VPS13D: variants seen among roughly 807,000 people sequenced by gnomAD.
The protein encoded by VPS13D is intermembrane lipid transfer protein VPS13D.
A neutral mutation model predicts 461.9 loss-of-function variants in VPS13D; 187 were observed. The observed-to-expected ratio is 0.40, with a 90% CI of 0.36 to 0.46. VPS13D has a LOEUF of 0.46. VPS13D is among the 20% of genes least tolerant of loss of function. The pLI is 0.60. For missense variants in VPS13D, 4,711 were observed against 5,364.9 expected, an observed-to-expected ratio of 0.88 and a Z score of 3.81; for synonymous variants, 1,951 against 1,986.3, an observed-to-expected ratio of 0.98 and a Z score of 0.47.
At chr1:12,442,022 A>T (rs1645137873) in intron 65 of VPS13D, among the ~76,000 whole-genome samples, 1 of 152,156 alleles carries the variant, frequency 6.6e-6, no homozygotes, top group African/African-American at 2.4e-5. Context: ...CTCATAAAAC[A>T]TGATTTTTTT....
At chr1:12,431,846 A>G (rs1644996100) in intron 65 of VPS13D, among the ~76,000 whole-genome samples, 1 of 152,100 alleles carries the variant, frequency 6.6e-6, no homozygotes, top group African/African-American at 2.4e-5. Context: ...AAACTTTTGC[A>G]TCTCTCCTGA....
chr1:12,448,608 G>A (rs1380373564), intron 65 of VPS13D, among the ~76,000 whole-genome samples: 1 of 152,140 alleles, frequency 6.6e-6, no homozygotes, highest in Non-Finnish European at 1.5e-5. Flanking sequence ...CTGGGCTTCA[G>A]GATTCATCCT....
At chr1:12,396,658 T>C (rs1477220108) in intron 60 of VPS13D, among the ~76,000 whole-genome samples, 1 of 152,174 alleles carries the variant, frequency 6.6e-6, no homozygotes, top group Admixed American at 6.5e-5. Flanking sequence ...TGACTGGGGC[T>C]CCTTCTCTCC....
intron 63 of VPS13D, among the ~76,000 whole-genome samples, chr1:12,411,401 G>A (rs1644726253): frequency 6.6e-6 from 1 of 151,990 alleles, no homozygotes; most frequent in Admixed American, 6.6e-5. Flanking sequence ...GGGAGGCCTA[G>A]GTGGGAGGAT....
chr1:12,427,430 C>T (rs1644936943), intron 65 of VPS13D, among the ~76,000 whole-genome samples: 1 of 151,776 alleles, frequency 6.6e-6, no homozygotes, highest in African/African-American at 2.4e-5. Context: ...CACAGTCAGC[C>T]CTCCATATCT....
intron 65 of VPS13D, among the ~76,000 whole-genome samples, chr1:12,432,121 C>T (rs573633590): frequency 3.3e-5 from 5 of 152,084 alleles, no homozygotes; most frequent in Admixed American, 6.6e-5. Context: ...AAGCCAGGTG[C>T]GGTGGCTTAC....
rs780181168 is a variant in VPS13D, at chr1:12,378,551, A to G, written c.11041A>G (p.Ile3681Val). The G allele has an allele frequency of 2.5e-6, 4 of 1,607,886 alleles. No individual in the cohort carries two copies. The highest frequency in any genetic ancestry group is 1.7e-4 in the Middle Eastern group (1 of 6,036). The change falls in exon 56 of 70, where the codon ATC becomes GTC. Residue 3681 changes from isoleucine (I) to valine (V), a missense_variant. Ile to Val is a conservative substitution (Grantham distance 29). This residue lies in a region of VPS13D where 4,411 missense variants were observed against 4,937.8 expected (regional missense o/e 0.89). Coordinates refer to ENST00000620676, the MANE Select transcript of VPS13D (RefSeq NM_015378.4). ...CGCCCGCTCCACCGAGGGGTCTGCC[A>G]TCTTAGATATTGCTGGTCTCGCTGC... ...SAARSTEGSA[I>V]LDIAGLAAVT... is the part of the protein sequence containing the mutation.
rs756511792 is a variant in VPS13D at position 12,276,916 on chromosome 1, T to G, written c.3328T>G (p.Leu1110Val). The G allele has an allele frequency of 1.5e-5, 25 of 1,614,062 alleles. No homozygotes were observed. Among genetic ancestry groups the G allele is most frequent in the Non-Finnish European group, 2.0e-5 (24 of 1,180,044 alleles). The change falls in exon 19 of 70, where the codon TTA becomes GTA. Residue 1110 changes from leucine to valine, a missense_variant. Coordinates refer to ENST00000620676, the MANE Select transcript of VPS13D (RefSeq NM_015378.4). The surrounding 1 kb of genome is among the most constrained non-coding windows in gnomAD (Gnocchi z 4.5). ...LQVISLQVNN[L>V]DIILNPETIV... ...GGTGATTTCCCTACAGGTGAATAATTTAGATATTATCCTCAATCCAGAGAC... is the reference window on the plus strand; with the variant it reads ...GGTGATTTCCCTACAGGTGAATAATGTAGATATTATCCTCAATCCAGAGAC...
chr1:12,508,291 A>G (rs1646139332), intron 69 of VPS13D, among the ~76,000 whole-genome samples: 1 of 152,058 alleles, frequency 6.6e-6, no homozygotes, highest in Non-Finnish European at 1.5e-5. Context: ...CCATCACCAG[A>G]CCTTAGATGT....
At chr1:12,235,118 G>T (rs931945866) in intron 2 of VPS13D, among the ~76,000 whole-genome samples, 3 of 152,160 alleles carry the variant, frequency 2.0e-5, no homozygotes, top group African/African-American at 4.8e-5. Flanking sequence ...AGTTTGCCAC[G>T]TGTGTAAAAT....
In VPS13D at chr1:12,497,594, C is replaced by T; in HGVS notation, c.12757C>T (p.Gln4253Ter). ...YSESQAEGQEQLFKLTDNIQD... is the reference protein window; with the variant it reads ...YSESQAEGQE The stretch of plus-strand genomic sequence containing the variant: ...TGAGAGCCAGGCGGAAGGACAGGAG[C>T]AGCTCTTCAAACTCACAGACAACAT... Residue 4253 changes from glutamine (Q) to a stop codon, truncating the protein, a stop_gained, in exon 68 of 70, where the codon CAG becomes TAG. Transcript: ENST00000620676. LOFTEE classifies it high-confidence loss of function. The T allele has an allele frequency of 1.2e-6, 2 of 1,614,014 alleles. No individual in the cohort carries two copies. Among genetic ancestry groups the T allele is most frequent in the Non-Finnish European group, 1.7e-6 (2 of 1,179,994 alleles).
intron 65 of VPS13D, among the ~76,000 whole-genome samples, chr1:12,435,722 G>T (rs575803351): frequency 1.5e-4 from 23 of 151,514 alleles, no homozygotes; most frequent in African/African-American, 5.6e-4. Context: ...TATCTAGTAG[G>T]CTTCATTCTC....
intron 12 of VPS13D, 143 bp from the exon 13 acceptor site, chr1:12,261,758 T>C (rs1401238551): frequency 1.5e-6 from 1 of 668,502 alleles, no homozygotes; most frequent in Non-Finnish European, 2.5e-6. Flanking sequence ...TATTATAAAA[T>C]AGTCACCCAT....
chr1:12,504,307 ACT>A (rs1030436347), intron 68 of VPS13D, among the ~76,000 whole-genome samples: 11 of 151,638 alleles, frequency 7.3e-5, no homozygotes, highest in East Asian at 1.9e-4. Context: ...CTGTGGCCTC[ACT>A]CTCTCCCTTC....
Position 12,277,927 on chromosome 1 carries a change from T to G in VPS13D, c.4339T>G (p.Ser1447Ala). ...TQLAGREAVG[S>A]EGSRMFCPPS... is the part of the protein sequence containing the mutation. ...GTTGGCAGGTAGAGAAGCTGTTGGG[T>G]CTGAAGGAAGCCGGATGTTTTGCCC... Residue 1447 changes from serine to alanine, a missense_variant, in exon 19 of 70, where the codon TCT becomes GCT. Transcript: ENST00000620676. The G allele has an allele frequency of 6.2e-7, 1 of 1,614,152 alleles. No individual in the cohort carries two copies. Among genetic ancestry groups the G allele is most frequent in the Non-Finnish European group, 8.5e-7 (1 of 1,180,026 alleles).
chr1:12,488,620 C>T (rs555967088), intron 67 of VPS13D, among the ~76,000 whole-genome samples: 2 of 147,422 alleles, frequency 1.4e-5, no homozygotes, highest in Admixed American at 6.8e-5. Context: ...GTGGCCCACA[C>T]CTGCAATCCC....
intron 37 of VPS13D, among the ~76,000 whole-genome samples, chr1:12,330,880 C>T (rs931357596): frequency 1.3e-5 from 2 of 152,072 alleles, no homozygotes; most frequent in African/African-American, 4.8e-5. Context: ...GCATTTTAAA[C>T]CTCAAGTCCC....
chr1:12,329,892 G>A lies in VPS13D; in HGVS notation c.8261G>A (p.Gly2754Glu). ...PEGYAHFTLS[G>E]DYYNRALSGW... ...GGCTATGCCCACTTCACCCTTTCTG[G>A]AGATTATTATAACCGTGCTCTTTCA... The change falls in exon 37 of 70, where the codon GGA becomes GAA. Residue 2754 changes from glycine (G) to glutamate (E), a missense_variant. By Grantham distance (98) the Gly-to-Glu change is moderately conservative. Around this residue, in one of 3 missense-constraint regions of VPS13D, gnomAD observed 4,411 missense variants for 4,937.8 expected, o/e 0.89. Transcript: ENST00000620676. 6.2e-7 allele frequency: 1 copy of A among 1,613,744 alleles called. No homozygotes were observed. The highest frequency in any genetic ancestry group is 8.5e-7 in the Non-Finnish European group (1 of 1,179,838).
intron 65 of VPS13D, among the ~76,000 whole-genome samples, chr1:12,453,205 T>C (rs529379438): frequency 4.6e-5 from 7 of 152,158 alleles, no homozygotes; most frequent in African/African-American, 1.7e-4. Flanking sequence ...TGGATATTAA[T>C]TGATGGGAGT....
Sources: gnomAD v4.1 joint callset for allele counts (sites outside exome capture counted in the v4.1 genomes callset) on GRCh38, gnomAD v4.1.1 for gene constraint, gnomAD v4.1.1 regional missense constraint, Gnocchi (gnomAD v3.1) non-coding constraint, MANE v1.5 for transcripts, NCBI Gene and HGNC (gene_info 2026-07-23, HGNC 2026-07-21) for gene names.